Variants in PCGF6 observed in about 807,000 individuals in gnomAD.
PCGF6 encodes polycomb group RING finger protein 6.
In PCGF6, 24 loss-of-function variants were observed where a neutral mutation model predicts 45.5. The ratio of observed to expected loss-of-function variants is 0.53; its 90% confidence interval spans 0.38 to 0.74. The LOEUF (loss-of-function observed/expected upper bound fraction) is 0.74. PCGF6 is among the 30% of genes least tolerant of loss of function. The probability of loss-of-function intolerance (pLI) is 0.00; values close to 1 mark genes in which losing one functional copy is unlikely to be tolerated. For missense variants in PCGF6, 356 were observed against 443.2 expected, an observed-to-expected ratio of 0.80 and a Z score of 1.77; for synonymous variants, 152 against 162.1, an observed-to-expected ratio of 0.94 and a Z score of 0.47.
chr10:103,334,609 C>CAAGAAGGCTGCT (rs2093250226), intron 6 of PCGF6, among the ~76,000 whole-genome samples: 1 of 152,132 alleles, frequency 6.6e-6, no homozygotes, highest in African/African-American at 2.4e-5. Context: ...AAATTTCTTA[C>CAAGAAGGCTGCT]AAGAAGGCTG....
intron 8 of PCGF6, among the ~76,000 whole-genome samples, chr10:103,323,366 G>T (rs958571656): frequency 6.6e-6 from 1 of 151,838 alleles, no homozygotes; most frequent in Non-Finnish European, 1.5e-5. Context: ...GCGCCATCTC[G>T]GCTCACTGCA....
chr10:103,339,269 AG>A (rs1277533244), intron 6 of PCGF6, among the ~76,000 whole-genome samples: 1 of 152,064 alleles, frequency 6.6e-6, no homozygotes, highest in Non-Finnish European at 1.5e-5. Flanking sequence ...GTGTGCCTAT[AG>A]TCCCAGCTGC....
At chr10:103,320,134 T>A (rs999612970) in intron 8 of PCGF6, among the ~76,000 whole-genome samples, 6 of 152,138 alleles carry the variant, frequency 3.9e-5, no homozygotes, top group Non-Finnish European at 7.3e-5. Context: ...GAATTAGTTA[T>A]GGCAGGATTA....
At chr10:103,341,474 T>C (rs2093280582) in intron 6 of PCGF6, among the ~76,000 whole-genome samples, 1 of 145,872 alleles carries the variant, frequency 6.9e-6, no homozygotes, top group South Asian at 2.2e-4. Context: ...AGTTTGGCCC[T>C]TGTTGCCCAG....
chr10:103,314,015 T>C (rs1229874257), intron 9 of PCGF6, among the ~76,000 whole-genome samples, 171 bp downstream of exon 9: 2 of 152,186 alleles, frequency 1.3e-5, no homozygotes, highest in Non-Finnish European at 2.9e-5. Flanking sequence ...ATAAATTACT[T>C]AGAACAGTAC....
chr10:103,343,229 T>TTTTTTTTTTTG, intron 6 of PCGF6, among the ~76,000 whole-genome samples: 2 of 151,700 alleles, frequency 1.3e-5, no homozygotes, highest in African/African-American at 4.8e-5. Flanking sequence ...CGCCCGGCCT[T>TTTTTTTTTTTG]AGGGGTTCTT....
chr10:103,340,989 G>C (rs1249986562), intron 6 of PCGF6, among the ~76,000 whole-genome samples: 2 of 151,962 alleles, frequency 1.3e-5, no homozygotes, highest in Non-Finnish European at 2.9e-5. Context: ...CAACACTTTG[G>C]GGGTCCAAGG....
rs548968948 is a variant in PCGF6, at chr10:103,303,602, A to T, written c.*303T>A. 4.4e-6 allele frequency: 1 copy of T among 228,484 alleles called. No individual in the cohort carries two copies. The highest frequency in any genetic ancestry group is 9.1e-5 in the East Asian group (1 of 11,032). 14.2% of individuals were successfully genotyped at this position (228,484 alleles called of 1,614,324 possible). On this transcript the variant is annotated 3_prime_UTR_variant, in exon 10 of 10. Coordinates refer to ENST00000369847, the MANE Select transcript of PCGF6 (RefSeq NM_001011663.2). Reference sequence around the variant, plus strand: ...ATGGCTGAACAAAGAAAACTAACCAATTACTTCAAAGATGGGAAGCAAAAT... The same window carrying T: ...ATGGCTGAACAAAGAAAACTAACCATTTACTTCAAAGATGGGAAGCAAAAT...
At chr10:103,320,636 G>A (rs1262665330) in intron 8 of PCGF6, among the ~76,000 whole-genome samples, 7 of 151,822 alleles carry the variant, frequency 4.6e-5, no homozygotes, top group Non-Finnish European at 7.4e-5. Context: ...GCGGTGAGCC[G>A]ACATCATCGC....
In PCGF6 at chr10:103,350,814, C is replaced by T; in HGVS notation, c.253G>A (p.Glu85Lys). 3 of 1,552,562 alleles carry T rather than the reference C, an allele frequency of 1.9e-6. No individual in the cohort carries two copies. The highest frequency in any genetic ancestry group is 2.6e-6 in the Non-Finnish European group (3 of 1,148,360). Residue 85 changes from glutamate (E) to lysine (K), a missense_variant, in exon 1 of 10, where the codon GAA (glutamate) becomes AAA (lysine). Physicochemically the swap from Glu to Lys is moderately conservative, Grantham distance 56. Coordinates refer to ENST00000369847, the MANE Select transcript of PCGF6 (RefSeq NM_001011663.2). ...GRFEDEDEEL[E>K]EEEELEEEEE... The stretch of plus-strand genomic sequence containing the variant: ...TCCTCCTCCAGCTCCTCTTCTTCTT[C>T]CAACTCCTCGTCCTCGTCCTCGAAG...
rs1354662485 is a variant in PCGF6 at position 103,339,836 on chromosome 10, C to T, written c.782+5188G>A. Among the ~76,000 whole-genome samples, 5 of 138,018 alleles carry T rather than the reference C, an allele frequency of 3.6e-5. No homozygotes were observed. In the East Asian group the frequency reaches 1.0e-3, roughly 29 times the overall value. 90.5% of individuals were successfully genotyped at this position (138,018 alleles called of 152,430 possible). The stretch of plus-strand genomic sequence containing the variant: ...ACACACACACACACACACACACACA[C>T]ACACACACACACACACACACACACA... On this transcript the variant is annotated intron_variant, in intron 6 of 9. Transcript: ENST00000369847.
chr10:103,303,693 C>G lies in PCGF6; in HGVS notation c.*212G>C. 1 of 400,540 alleles carries G rather than the reference C, an allele frequency of 2.5e-6. No individual in the cohort carries two copies. Among genetic ancestry groups the G allele is most frequent in the Non-Finnish European group, 4.5e-6 (1 of 222,902 alleles). The allele number at this position is 400,540 out of a possible 1,614,324, so 24.8% of individuals were successfully genotyped here. A position where few individuals can be genotyped will look rare whatever the true frequency, so the allele number is the denominator to read the frequency against. ...CAATTTTTGAAAAATTTCCCCTGAG[C>G]TTTGGCTGCTTTTTATATACAGTCT... On this transcript the variant is annotated 3_prime_UTR_variant, in exon 10 of 10. Transcript: ENST00000369847.
intron 9 of PCGF6, among the ~76,000 whole-genome samples, chr10:103,313,675 T>G (rs1404613548): frequency 6.6e-6 from 1 of 152,198 alleles, no homozygotes; most frequent in East Asian, 1.9e-4. Context: ...TGGGCCCCAT[T>G]CGCAGCTATC....
intron 7 of PCGF6, among the ~76,000 whole-genome samples, chr10:103,327,469 G>A (rs1188404258): frequency 6.6e-6 from 1 of 151,978 alleles, no homozygotes; most frequent in Non-Finnish European, 1.5e-5. Flanking sequence ...GGACAATCTA[G>A]GAAATTTAAG....
At position 103,350,987 on chromosome 10, in the gene PCGF6, G is replaced by GGCGGAC; in HGVS notation, c.79_80insGTCCGC (p.Pro26_Pro27insArgPro). 1 of 1,434,894 alleles carries GGCGGAC rather than the reference G, an allele frequency of 7.0e-7. No homozygotes were observed. Among genetic ancestry groups the GGCGGAC allele is most frequent in the East Asian group, 2.7e-5 (1 of 37,146 alleles). The allele number at this position is 1,434,894 out of a possible 1,614,324, so 88.9% of individuals were successfully genotyped here. On this transcript the variant is annotated inframe_insertion, in exon 1 of 10. Transcript: ENST00000369847. Reference sequence around the variant, plus strand: ...GGTGAGGGCGGGCGGGGAGACAGGAGGCGGAGGCGGCAAGGCTGCAGCTCC... The same window carrying GGCGGAC: ...GGTGAGGGCGGGCGGGGAGACAGGAGGCGGACGCGGAGGCGGCAAGGCTGCAGCTCC...
chr10:103,310,265 A>G (rs1029051647), intron 9 of PCGF6, among the ~76,000 whole-genome samples: 1 of 145,722 alleles, frequency 6.9e-6, no homozygotes. Context: ...CCATGTCTTA[A>G]AAAAAAAAAA....
At chr10:103,318,114 T>C (rs1291059427) in intron 8 of PCGF6, among the ~76,000 whole-genome samples, 2 of 150,950 alleles carry the variant, frequency 1.3e-5, no homozygotes, top group East Asian at 2.0e-4. Flanking sequence ...TATGTGTGCA[T>C]GTGGGTTTTT....
chr10:103,336,064 G>C, intron 6 of PCGF6, among the ~76,000 whole-genome samples: 1 of 150,252 alleles, frequency 6.7e-6, no homozygotes. Flanking sequence ...TCAGGAGCTC[G>C]AGACCAGCCT....
intron 6 of PCGF6, among the ~76,000 whole-genome samples, chr10:103,338,917 A>G (rs1044107297): frequency 3.3e-5 from 5 of 152,134 alleles, no homozygotes; most frequent in African/African-American, 1.2e-4. Flanking sequence ...ATCTAATTTC[A>G]TATTCCAGTA....
Sources: gnomAD v4.1 joint callset for allele counts (sites outside exome capture counted in the v4.1 genomes callset) on GRCh38, gnomAD v4.1.1 for gene constraint, MANE v1.5 for transcripts, NCBI Gene and HGNC (gene_info 2026-07-23, HGNC 2026-07-21) for gene names.